The following PALD1 variants were observed in gnomAD, a reference collection of about 807,000 sequenced individuals.
The protein encoded by PALD1 is paladin.
Under a neutral mutation model 96.0 loss-of-function variants are expected in PALD1, and 57 were observed. That is an observed-to-expected ratio of 0.59 (90% CI 0.48 to 0.74). PALD1 has a LOEUF of 0.74. PALD1 is among the 30% of genes least tolerant of loss of function. The probability of loss-of-function intolerance (pLI) is 0.00; values close to 1 mark genes in which losing one functional copy is unlikely to be tolerated. For missense variants in PALD1, 1,063 were observed against 1,143.7 expected, an observed-to-expected ratio of 0.93 and a Z score of 1.02; for synonymous variants, 464 against 473.6, an observed-to-expected ratio of 0.98 and a Z score of 0.26.
At chr10:70,542,975 G>C (rs1184771254) in intron 17 of PALD1, among the ~76,000 whole-genome samples, 4 of 150,560 alleles carry the variant, frequency 2.7e-5, no homozygotes. Context: ...AGTTCACCGT[G>C]TTGGCCAGGC....
At chr10:70,511,992 A>AC (rs1846525039) in intron 1 of PALD1, among the ~76,000 whole-genome samples, 2 of 151,818 alleles carry the variant, frequency 1.3e-5, no homozygotes, top group African/African-American at 2.4e-5. Flanking sequence ...GCGCCATTGC[A>AC]CTCCAGCCTG....
intron 6 of PALD1, 98 bp downstream of exon 6, chr10:70,532,879 C>T: frequency 6.6e-7 from 1 of 1,523,050 alleles, no homozygotes. Flanking sequence ...GGCGGAGTCC[C>T]CCACACCCAT....
intron 10 of PALD1, 107 bp downstream of exon 10, chr10:70,534,950 C>T: frequency 1.3e-6 from 1 of 760,970 alleles, no homozygotes. Context: ...TTTCTGGCTG[C>T]TGCGTCTCCC....
intron 18 of PALD1, among the ~76,000 whole-genome samples, chr10:70,550,062 C>G (rs1564708239): frequency 1.3e-5 from 2 of 152,194 alleles, no homozygotes; most frequent in South Asian, 4.1e-4. Flanking sequence ...TGCCAGTGAC[C>G]TACCTGGCCA....
At position 70,492,988 on chromosome 10, in the gene PALD1, G is replaced by T. The variant is rs530418942; in HGVS notation, c.-30+13929G>T. On this transcript the variant is annotated intron_variant, in intron 1 of 19. Transcript: ENST00000263563. Reference sequence around the variant, plus strand: ...CTTGGGAATCCTGGGATCTCCCTTGGTGGGTGAGGACACTGTGTCTCACTC... The same window carrying T: ...CTTGGGAATCCTGGGATCTCCCTTGTTGGGTGAGGACACTGTGTCTCACTC... Among the ~76,000 whole-genome samples, 28 of 152,324 alleles carry T rather than the reference G, an allele frequency of 1.8e-4. No individual in the cohort carries two copies. In the South Asian group the frequency reaches 2.7e-3, roughly 15 times the overall value.
chr10:70,485,202 C>T (rs879859368), intron 1 of PALD1: 1 of 150,982 alleles, frequency 6.6e-6, no homozygotes, highest in African/African-American at 2.4e-5. Flanking sequence ...TTCAAAACAT[C>T]TCCCTTAAGT....
chr10:70,514,492 C>G (rs890340422), intron 1 of PALD1, among the ~76,000 whole-genome samples: 1 of 152,112 alleles, frequency 6.6e-6, no homozygotes, highest in East Asian at 1.9e-4. Context: ...TGGACTCTTC[C>G]TAGTTTTAAA....
At chr10:70,495,727 G>A (rs1004220878) in intron 1 of PALD1, among the ~76,000 whole-genome samples, 3 of 152,064 alleles carry the variant, frequency 2.0e-5, no homozygotes, top group Admixed American at 1.3e-4. Context: ...CTGGCAGGCC[G>A]GGTGTGGTGG....
intron 10 of PALD1, among the ~76,000 whole-genome samples, chr10:70,537,112 C>CTT (rs1056446962): frequency 2.1e-5 from 3 of 144,392 alleles, no homozygotes; most frequent in African/African-American, 5.1e-5. Flanking sequence ...GGCTCCAGTT[C>CTT]TTTTTTTTTT....
chr10:70,533,008 C>T lies in PALD1; in HGVS notation c.808C>T (p.Pro270Ser). The T allele has an allele frequency of 6.3e-7, 1 of 1,580,652 alleles. No homozygotes were observed. The highest frequency in any genetic ancestry group is 1.2e-5 in the South Asian group (1 of 86,710). Residue 270 changes from proline (P) to serine (S), a missense_variant, in exon 7 of 20, where the codon CCC becomes TCC. Coordinates refer to ENST00000263563, the MANE Select transcript of PALD1 (RefSeq NM_014431.3). ...CTCACCTGGCAGGTACCACCGCCTG[C>T]CCCTGCCCGAGCAAGGGAGTCCCCT... is the stretch of plus-strand genomic sequence containing the variant. Reference protein sequence around the residue: ...LQPTYRYHRLPLPEQGSPLEA... With the variant: ...LQPTYRYHRLSLPEQGSPLEA...
chr10:70,467,122 G>A, the PALD1 span, among the ~76,000 whole-genome samples: 9 of 152,142 alleles, frequency 5.9e-5, no homozygotes, highest in Admixed American at 5.9e-4. Flanking sequence ...TGTGAAGTCA[G>A]AGCCAGGAGA....
intron 6 of PALD1, 24 bp from the exon 7 acceptor site, chr10:70,532,971 T>TATCA (rs1366503598): frequency 1.3e-6 from 2 of 1,565,598 alleles, no homozygotes; most frequent in Admixed American, 3.7e-5. Flanking sequence ...GCCTGCCTGA[T>TATCA]GGCTGCTCTC....
At chr10:70,560,044 A>G (rs1306213324) in intron 18 of PALD1, among the ~76,000 whole-genome samples, 2 of 152,150 alleles carry the variant, frequency 1.3e-5, no homozygotes, top group African/African-American at 4.8e-5. Context: ...CCCTGGGTTT[A>G]TGGTTGTTTT....
the PALD1 span, among the ~76,000 whole-genome samples, chr10:70,472,232 G>A: frequency 3.9e-5 from 6 of 152,198 alleles, no homozygotes; most frequent in Non-Finnish European, 8.8e-5. Context: ...GTGTTGCCTG[G>A]AGACAACTGG....
chr10:70,486,402 C>T (rs1846017108), intron 1 of PALD1: 1 of 152,812 alleles, frequency 6.5e-6, no homozygotes, highest in South Asian at 2.0e-4. Flanking sequence ...TGGTGCCAAC[C>T]CCTGCACTTC....
At chr10:70,505,144 T>C (rs889570359) in intron 1 of PALD1, among the ~76,000 whole-genome samples, 1 of 152,238 alleles carries the variant, frequency 6.6e-6, no homozygotes, top group Non-Finnish European at 1.5e-5. Context: ...GAAAAATCTT[T>C]CTGTTTTCAG....
chr10:70,506,433 G>A (rs909604075), intron 1 of PALD1, among the ~76,000 whole-genome samples: 2 of 152,182 alleles, frequency 1.3e-5, no homozygotes, highest in Non-Finnish European at 2.9e-5. Context: ...GGGCCCTGGG[G>A]TCTGTGGAGC....
chr10:70,466,306 C>T, the PALD1 span, among the ~76,000 whole-genome samples: 2 of 151,622 alleles, frequency 1.3e-5, no homozygotes, highest in Non-Finnish European at 2.9e-5. Flanking sequence ...AGTGTAGTGG[C>T]GCGATCTCAG....
intron 1 of PALD1, among the ~76,000 whole-genome samples, chr10:70,509,140 C>CG (rs1451320628): frequency 6.6e-6 from 1 of 152,152 alleles, no homozygotes; most frequent in Non-Finnish European, 1.5e-5. Context: ...GCCATGGCTC[C>CG]GGAAGGGGTA....
Sources: gnomAD v4.1 joint callset for allele counts (sites outside exome capture counted in the v4.1 genomes callset) on GRCh38, gnomAD v4.1.1 for gene constraint, MANE v1.5 for transcripts, NCBI Gene and HGNC (gene_info 2026-07-23, HGNC 2026-07-21) for gene names.